The following PTPRD variants were observed in gnomAD, a reference collection of about 807,000 sequenced individuals.
The protein encoded by PTPRD is protein tyrosine phosphatase receptor type D.
Under a neutral mutation model 214.5 loss-of-function variants are expected in PTPRD, and 34 were observed. The ratio of observed to expected loss-of-function variants is 0.16; its 90% confidence interval spans 0.12 to 0.21. The LOEUF (loss-of-function observed/expected upper bound fraction) is 0.21. Among genes scored for constraint, PTPRD ranks in the 10% least tolerant of loss-of-function variants. PTPRD has a pLI of 1.00. For missense variants in PTPRD, 2,545 were observed against 2,398.7 expected, an observed-to-expected ratio of 1.06 and a Z score of -1.27; for synonymous variants, 1,128 against 845.7, an observed-to-expected ratio of 1.33 and a Z score of -5.79.
In PTPRD at chr9:8,507,294, G is replaced by T. The variant is rs2097562721; in HGVS notation, c.1677+7C>A. 1.2e-6 allele frequency: 2 copies of T among 1,613,510 alleles called. No individual in the cohort carries two copies. Among genetic ancestry groups the T allele is most frequent in the Non-Finnish European group, 1.7e-6 (2 of 1,179,640 alleles). ...AATTCCCAAGGTGAGAAGCACTATA[G>T]TCTTACCTCCTCTCCATGCTCCCCA... is the stretch of plus-strand genomic sequence containing the variant. On this transcript the variant is annotated splice_region_variant and intron_variant, in intron 22 of 45. Transcript: ENST00000381196.
At chr9:9,727,312 G>A (rs528386152) in intron 7 of PTPRD, among the ~76,000 whole-genome samples, 4 of 152,102 alleles carry the variant, frequency 2.6e-5, no homozygotes, top group East Asian at 1.9e-4. Context: ...TTAGCCAGGC[G>A]TGATGGCACA....
chr9:8,834,427 A>AACTG (rs1555405456), intron 11 of PTPRD, among the ~76,000 whole-genome samples: 7 of 151,548 alleles, frequency 4.6e-5, no homozygotes, highest in East Asian at 1.9e-4. Context: ...CTCTTTTATA[A>AACTG]CCTGTTTTTG....
chr9:9,127,080 A>T (rs988940227), intron 10 of PTPRD, among the ~76,000 whole-genome samples: 3 of 151,400 alleles, frequency 2.0e-5, no homozygotes, highest in African/African-American at 7.3e-5. Flanking sequence ...TTGCCATCCC[A>T]TTGCAAAGCA....
intron 31 of PTPRD, among the ~76,000 whole-genome samples, chr9:8,469,132 T>G (rs569290965): frequency 2.0e-5 from 3 of 152,112 alleles, no homozygotes; most frequent in Non-Finnish European, 2.9e-5. Context: ...GCACCACAAC[T>G]TGGATGATTA....
At chr9:9,193,701 T>C (rs1166550656) in intron 9 of PTPRD, among the ~76,000 whole-genome samples, 2 of 152,096 alleles carry the variant, frequency 1.3e-5, no homozygotes, top group Non-Finnish European at 2.9e-5. Flanking sequence ...TAAAAAATGG[T>C]ACACCTGTGT....
intron 11 of PTPRD, among the ~76,000 whole-genome samples, chr9:8,823,458 A>T (rs986802205): frequency 6.6e-6 from 1 of 152,142 alleles, no homozygotes; most frequent in Non-Finnish European, 1.5e-5. Flanking sequence ...TCCGCCAGCA[A>T]GTTTATATGC....
chr9:8,617,066 A>C (rs1299865568), intron 14 of PTPRD, among the ~76,000 whole-genome samples: 2 of 152,132 alleles, frequency 1.3e-5, no homozygotes, highest in Non-Finnish European at 2.9e-5. Context: ...CTTATTTACA[A>C]ATCCTTTTTT....
chr9:10,363,726 AC>A (rs2097442255), intron 2 of PTPRD, among the ~76,000 whole-genome samples: 1 of 152,164 alleles, frequency 6.6e-6, no homozygotes, highest in African/African-American at 2.4e-5. Context: ...TCAATAGATA[AC>A]CATTGTCCAA....
intron 10 of PTPRD, among the ~76,000 whole-genome samples, chr9:9,140,735 C>A (rs1358382445): frequency 6.6e-6 from 1 of 152,150 alleles, no homozygotes; most frequent in Non-Finnish European, 1.5e-5. Flanking sequence ...CCCGCCACCA[C>A]GCCCGGCTAA....
intron 9 of PTPRD, among the ~76,000 whole-genome samples, chr9:9,193,689 G>A (rs975878909): frequency 2.0e-5 from 3 of 152,038 alleles, no homozygotes; most frequent in African/African-American, 4.8e-5. Context: ...TCATCTAAAA[G>A]ATAAAAAATG....
chr9:9,504,726 G>C (rs1367219129), intron 8 of PTPRD, among the ~76,000 whole-genome samples: 1 of 151,546 alleles, frequency 6.6e-6, no homozygotes, highest in Non-Finnish European at 1.5e-5. Flanking sequence ...CTATTTGTGA[G>C]ATGACATGAT....
intron 5 of PTPRD, among the ~76,000 whole-genome samples, chr9:9,924,518 C>T (rs1016625455): frequency 1.3e-5 from 2 of 152,042 alleles, no homozygotes; most frequent in Non-Finnish European, 2.9e-5. Context: ...GCCCTAAAGT[C>T]ATTTCAACAA....
intron 9 of PTPRD, among the ~76,000 whole-genome samples, chr9:9,262,988 G>C (rs1477924860): frequency 6.6e-6 from 1 of 151,546 alleles, no homozygotes; most frequent in Non-Finnish European, 1.5e-5. Flanking sequence ...AAACACATCT[G>C]ATACATATAA....
chr9:10,341,920 T>C (rs1296803661), intron 2 of PTPRD, among the ~76,000 whole-genome samples: 1 of 151,986 alleles, frequency 6.6e-6, no homozygotes, highest in Non-Finnish European at 1.5e-5. Flanking sequence ...GCAACTCAAC[T>C]TTTTAATGGT....
intron 39 of PTPRD, among the ~76,000 whole-genome samples, chr9:8,346,198 AT>A (rs201845846): frequency 0.023 from 2,521 of 108,540 alleles, 18 homozygotes; most frequent in Non-Finnish European, 0.048. Context: ...ATAAATTGTT[AT>A]GTATTCAAAC....
chr9:8,632,655 G>A (rs2096288699), intron 14 of PTPRD, among the ~76,000 whole-genome samples: 1 of 151,938 alleles, frequency 6.6e-6, no homozygotes, highest in Admixed American at 6.6e-5. Context: ...CACTCTCATT[G>A]TAAAGGAAGT....
At chr9:8,612,989 A>G (rs941060397) in intron 14 of PTPRD, among the ~76,000 whole-genome samples, 6 of 152,150 alleles carry the variant, frequency 3.9e-5, no homozygotes, top group Admixed American at 6.5e-5. Flanking sequence ...AAAGGAAAGG[A>G]TTATTAATAA....
At chr9:10,535,447 C>T (rs1361835253) in intron 2 of PTPRD, among the ~76,000 whole-genome samples, 1 of 151,928 alleles carries the variant, frequency 6.6e-6, no homozygotes, top group Non-Finnish European at 1.5e-5. Flanking sequence ...TTCAACAATG[C>T]CATTTATTTG....
At position 8,528,575 on chromosome 9, in the gene PTPRD, A is replaced by G. The variant is rs1439177655; in HGVS notation, c.541+16T>C. ...AAATTCTCTAGGAGTTAGTAGAAAC[A>G]GTAACAAGACCCTACCTGATCGTAA... is the stretch of plus-strand genomic sequence containing the variant. On this transcript the variant is annotated intron_variant, in intron 15 of 45. Transcript: ENST00000381196. 1 of 1,609,466 alleles carries G rather than the reference A, an allele frequency of 6.2e-7. No homozygotes were observed. The highest frequency in any genetic ancestry group is 1.1e-5 in the South Asian group (1 of 89,800).
Sources: allele counts gnomAD v4.1 joint callset (sites outside exome capture counted in the v4.1 genomes callset), GRCh38; gene constraint gnomAD v4.1.1; transcripts MANE v1.5; gene names NCBI Gene and HGNC (gene_info 2026-07-23, HGNC 2026-07-21).